Variants in CSNK1G1 observed in about 807,000 individuals in gnomAD.
CSNK1G1 encodes the protein casein kinase I isoform gamma-1.
Under a neutral mutation model 59.6 loss-of-function variants are expected in CSNK1G1, and 22 were observed. That is an observed-to-expected ratio of 0.37 (90% CI 0.26 to 0.53). The LOEUF (loss-of-function observed/expected upper bound fraction) is 0.53. Ranked by LOEUF, CSNK1G1 falls within the 20% of genes least tolerant of loss-of-function variation. The pLI, the probability that CSNK1G1 is intolerant of heterozygous loss-of-function variation, is 0.89. For synonymous variants in CSNK1G1, 179 were observed against 177.1 expected, an observed-to-expected ratio of 1.01 and a Z score of -0.08; for missense variants, 384 against 519.5, an observed-to-expected ratio of 0.74 and a Z score of 2.54.
At chr15:64,332,847 C>T (rs977529179) in intron 1 of CSNK1G1, among the ~76,000 whole-genome samples, 2 of 151,792 alleles carry the variant, frequency 1.3e-5, no homozygotes, top group Non-Finnish European at 2.9e-5. Flanking sequence ...GAATTTTTAG[C>T]CCACAAGATA....
intron 2 of CSNK1G1, among the ~76,000 whole-genome samples, chr15:64,298,738 A>C (rs1895156499): frequency 6.6e-6 from 1 of 152,152 alleles, no homozygotes; most frequent in South Asian, 2.1e-4. Context: ...GACCATCACA[A>C]GTAGCAGAGG....
At chr15:64,251,138 CAG>C (rs1892059144) in intron 4 of CSNK1G1, among the ~76,000 whole-genome samples, 1 of 152,188 alleles carries the variant, frequency 6.6e-6, no homozygotes, top group Non-Finnish European at 1.5e-5. Flanking sequence ...GTCTTCAAAA[CAG>C]ATAAACCATC....
intron 6 of CSNK1G1, among the ~76,000 whole-genome samples, chr15:64,208,273 G>A (rs1367640770): frequency 6.6e-6 from 1 of 152,108 alleles, no homozygotes; most frequent in Non-Finnish European, 1.5e-5. Flanking sequence ...TGACGTGAGA[G>A]GATCGCTTCG....
intron 4 of CSNK1G1, among the ~76,000 whole-genome samples, chr15:64,236,202 A>G (rs993739843): frequency 6.6e-6 from 1 of 152,070 alleles, no homozygotes; most frequent in South Asian, 2.1e-4. Flanking sequence ...AAGTTGAGCT[A>G]AACTTTTTCT....
chr15:64,346,433 T>G (rs1478498718), intron 1 of CSNK1G1, among the ~76,000 whole-genome samples: 1 of 140,702 alleles, frequency 7.1e-6, no homozygotes, highest in South Asian at 2.2e-4. Context: ...TTTATTTATT[T>G]ATTTATTTAT....
chr15:64,334,681 G>A (rs1449514484), intron 1 of CSNK1G1, among the ~76,000 whole-genome samples: 1 of 152,162 alleles, frequency 6.6e-6, no homozygotes, highest in South Asian at 2.1e-4. Flanking sequence ...ACGCTCCTAT[G>A]AGAATCTAAT....
chr15:64,241,005 G>A (rs1596145394), intron 4 of CSNK1G1, among the ~76,000 whole-genome samples: 1 of 151,926 alleles, frequency 6.6e-6, no homozygotes. Flanking sequence ...AATGAGAGGA[G>A]TAATTCCTCA....
intron 6 of CSNK1G1, 63 bp downstream of exon 6, chr15:64,213,827 T>A (rs2082277875): frequency 8.9e-7 from 1 of 1,120,904 alleles, no homozygotes; most frequent in Non-Finnish European, 1.3e-6. Context: ...GGGGATATAA[T>A]GTTACAGAAA....
rs2081662638 is a variant in CSNK1G1, at chr15:64,171,400, A to T, written c.*531T>A. 6.3e-6 allele frequency: 1 copy of T among 158,540 alleles called. No individual in the cohort carries two copies. The highest frequency in any genetic ancestry group is 2.4e-5 in the African/African-American group (1 of 41,498). The allele number at this position is 158,540 out of a possible 1,614,324, so 9.8% of individuals were successfully genotyped here. On this transcript the variant is annotated 3_prime_UTR_variant, in exon 12 of 12. Transcript: ENST00000303052. The surrounding 1 kb of genome is among the most constrained non-coding windows in gnomAD (Gnocchi z 4.8). ...TGGGATGAATGCTGCACAGGCACAG[A>T]GGAAGAGGAAACCATACTGCCAGGC... is the stretch of plus-strand genomic sequence containing the variant.
chr15:64,322,955 C>T (rs765762198), intron 1 of CSNK1G1, among the ~76,000 whole-genome samples: 5 of 150,420 alleles, frequency 3.3e-5, no homozygotes, highest in East Asian at 1.9e-4. Flanking sequence ...TTTTTTTCCT[C>T]GCTCTGTTGC....
chr15:64,352,481 C>CTTTTTTTTTTT (rs1555405868), intron 1 of CSNK1G1, among the ~76,000 whole-genome samples: 2 of 52,882 alleles, frequency 3.8e-5, no homozygotes, highest in African/African-American at 1.4e-4. Flanking sequence ...TGGAGTTTTG[C>CTTTTTTTTTTT]TCTTGCCCAG....
At chr15:64,320,807 C>T (rs903510081) in intron 1 of CSNK1G1, among the ~76,000 whole-genome samples, 2 of 151,728 alleles carry the variant, frequency 1.3e-5, no homozygotes, top group Non-Finnish European at 2.9e-5. Context: ...TATATGTTCG[C>T]AATTAATTTT....
At chr15:64,296,737 G>A (rs548504938) in intron 2 of CSNK1G1, among the ~76,000 whole-genome samples, 3 of 152,038 alleles carry the variant, frequency 2.0e-5, no homozygotes, top group South Asian at 2.1e-4. Context: ...GGAGGCACAC[G>A]CCTGTAATCC....
chr15:64,267,243 C>T (rs540730488), intron 2 of CSNK1G1, among the ~76,000 whole-genome samples: 7 of 126,018 alleles, frequency 5.6e-5, no homozygotes, highest in African/African-American at 9.3e-5. Flanking sequence ...GGAGACAAAG[C>T]GAGACCTTAT....
intron 10 of CSNK1G1, chr15:64,181,558 G>T: frequency 6.7e-6 from 6 of 891,376 alleles, no homozygotes; most frequent in Non-Finnish European, 9.9e-6. Context: ...GAAAATGTAT[G>T]AGACTGTCTA....
intron 2 of CSNK1G1, among the ~76,000 whole-genome samples, chr15:64,290,826 A>G (rs746920142): frequency 1.1e-4 from 16 of 152,032 alleles, no homozygotes; most frequent in Non-Finnish European, 2.1e-4. Flanking sequence ...ATCTCAGCTC[A>G]CCTCAGCCTC....
intron 2 of CSNK1G1, among the ~76,000 whole-genome samples, chr15:64,269,848 C>T (rs1295333208): frequency 6.7e-6 from 1 of 148,628 alleles, no homozygotes; most frequent in African/African-American, 2.5e-5. Flanking sequence ...CTGCCACCCA[C>T]GTTGGAGTGC....
At chr15:64,173,940 C>G (rs749271478) in intron 11 of CSNK1G1, among the ~76,000 whole-genome samples, 34 of 152,200 alleles carry the variant, frequency 2.2e-4, no homozygotes, top group Non-Finnish European at 7.4e-5. Flanking sequence ...ATACGTAATG[C>G]TTTAGAAATG....
At position 64,204,568 on chromosome 15, in the gene CSNK1G1, C is replaced by T. The variant is rs759763094; in HGVS notation, c.872G>A (p.Arg291Gln). Reference protein sequence around the residue: ...NFPEEMATYLRYVRRLDFFEK... With the variant: ...NFPEEMATYLQYVRRLDFFEK... Reference sequence around the variant, plus strand: ...AAAGAAGTCCAGTCGCCTGACATATCGAAGGTAGGTTGCCATCTCCTCTGT... The same window carrying T: ...AAAGAAGTCCAGTCGCCTGACATATTGAAGGTAGGTTGCCATCTCCTCTGT... Residue 291 changes from arginine to glutamine, a missense_variant, in exon 9 of 12, where the codon CGA (arginine) becomes CAA (glutamine). Transcript: ENST00000303052. 6.8e-6 allele frequency: 11 copies of T among 1,613,642 alleles called. No individual in the cohort carries two copies. The highest frequency in any genetic ancestry group is 4.5e-5 in the East Asian group (2 of 44,874).
Sources: allele counts gnomAD v4.1 joint callset (sites outside exome capture counted in the v4.1 genomes callset), GRCh38; gene constraint gnomAD v4.1.1; non-coding constraint Gnocchi (gnomAD v3.1); transcripts MANE v1.5; gene names NCBI Gene and HGNC (gene_info 2026-07-23, HGNC 2026-07-21).